IPO8: variants seen among roughly 807,000 people sequenced by gnomAD.
The protein encoded by IPO8 is importin 8, also known as importin-8.
In IPO8, 65 loss-of-function variants were observed where a neutral mutation model predicts 141.2. The ratio of observed to expected loss-of-function variants is 0.46; its 90% CI spans 0.38 to 0.57. The LOEUF is 0.57. Ranked by LOEUF, IPO8 falls within the 20% of genes least tolerant of loss-of-function variation. The probability of loss-of-function intolerance (pLI) is 0.00; values close to 1 mark genes in which losing one functional copy is unlikely to be tolerated. For synonymous variants in IPO8, 411 were observed against 420.3 expected, an observed-to-expected ratio of 0.98 and a Z score of 0.27; for missense variants, 980 against 1,246.8, an observed-to-expected ratio of 0.79 and a Z score of 3.22.
chr12:30,674,176 G>A (rs766001862), intron 7 of IPO8, 102 bp from the exon 8 acceptor site: 2 of 699,144 alleles, frequency 2.9e-6, no homozygotes, highest in African/African-American at 1.8e-5. Context: ...GGATTCTACT[G>A]GGACAGAAAA....
At chr12:30,645,077 T>C (rs930347018) in intron 20 of IPO8, among the ~76,000 whole-genome samples, 1 of 151,812 alleles carries the variant, frequency 6.6e-6, no homozygotes, top group Non-Finnish European at 1.5e-5. Context: ...ATACAGGCAT[T>C]GTAAAAGAGA....
chr12:30,672,710 GACAGA>G (rs2053068649), intron 8 of IPO8, among the ~76,000 whole-genome samples: 1 of 152,138 alleles, frequency 6.6e-6, no homozygotes, highest in African/African-American at 2.4e-5. Context: ...AGGGGCAGAA[GACAGA>G]TGACCAGCTT....
chr12:30,630,850 G>T lies in IPO8; in HGVS notation c.*10C>A. 6.2e-7 allele frequency: 1 copy of T among 1,600,566 alleles called. No homozygotes were observed. Among genetic ancestry groups the T allele is most frequent in the Non-Finnish European group, 8.6e-7 (1 of 1,168,516 alleles). ...CAGCGATGACATTTGGTCAGCTGAT[G>T]TTCTTTCCTTCAGTTGTTGCTGGGC... is the stretch of plus-strand genomic sequence containing the variant. On this transcript the variant is annotated 3_prime_UTR_variant, in exon 25 of 25. Coordinates refer to ENST00000256079, the MANE Select transcript of IPO8 (RefSeq NM_006390.4).
In IPO8 at chr12:30,669,409, T is replaced by G. The variant is rs7970460; in HGVS notation, c.1045-127A>C. The stretch of plus-strand genomic sequence containing the variant: ...TTCCAAACTCTGTGTGTGTGTAAAA[T>G]GTCAAGTCGAGGTTATATTTACTAT... On this transcript the variant is annotated intron_variant, in intron 9 of 24. Coordinates refer to ENST00000256079, the MANE Select transcript of IPO8 (RefSeq NM_006390.4). The G allele has an allele frequency of 1.0e-3, 509 of 493,570 alleles. 1 individual carries two copies. The highest frequency in any genetic ancestry group is 9.2e-3 in the African/African-American group (470 of 51,132). 30.6% of individuals were successfully genotyped at this position (493,570 alleles called of 1,614,324 possible). A position where few individuals can be genotyped will look rare whatever the true frequency, so the allele number is the denominator to read the frequency against.
intron 10 of IPO8, among the ~76,000 whole-genome samples, chr12:30,667,450 T>C (rs1164418069): frequency 1.3e-5 from 2 of 152,030 alleles, no homozygotes; most frequent in Non-Finnish European, 2.9e-5. Flanking sequence ...GGTTAAAGAG[T>C]AGATAAAAAG....
chr12:30,682,545 T>C (rs956219828), intron 3 of IPO8, among the ~76,000 whole-genome samples: 1 of 152,146 alleles, frequency 6.6e-6, no homozygotes, highest in Non-Finnish European at 1.5e-5. Context: ...TCTGATAACA[T>C]AGATAAGTAA....
chr12:30,670,474 G>A (rs1591837998), intron 9 of IPO8, among the ~76,000 whole-genome samples: 1 of 152,032 alleles, frequency 6.6e-6, no homozygotes, highest in Non-Finnish European at 1.5e-5. Context: ...TTAGGCAAAC[G>A]ATATAGAAAC....
In IPO8 at chr12:30,666,464, T is replaced by C. The variant is rs555820191; in HGVS notation, c.1145-213A>G. On this transcript the variant is annotated intron_variant, in intron 10 of 24. Coordinates refer to ENST00000256079, the MANE Select transcript of IPO8 (RefSeq NM_006390.4). ...GTTCCTCAAACTCTACAGGTTGTCC[T>C]TTCAAACTATTATATTGAAGAAAAC... Among the ~76,000 whole-genome samples, 818 of 152,298 alleles carry C rather than the reference T, an allele frequency of 5.4e-3. 5 individuals carry two copies. The highest frequency in any genetic ancestry group is 0.018 in the African/African-American group (760 of 41,566).
intron 20 of IPO8, among the ~76,000 whole-genome samples, chr12:30,647,598 G>A (rs1454551976): frequency 2.5e-4 from 15 of 60,406 alleles, no homozygotes; most frequent in Non-Finnish European, 3.8e-4. Context: ...GAATGAGACC[G>A]TCTCCAAAAA....
In IPO8 at chr12:30,630,370, TCA is replaced by T. The variant is rs1414414546; in HGVS notation, c.*488_*489del. 2.0e-5 allele frequency: 3 copies of T among 152,464 alleles called. No individual in the cohort carries two copies. The East Asian group carries it at 5.8e-4, about 29-fold the overall frequency. 9.4% of individuals were successfully genotyped at this position (152,464 alleles called of 1,614,324 possible). ...TTGCAGTAACTGCCTAACAATAAAT[TCA>T]CAGAGTAAAATGCAGAATAGTTGAC... On this transcript the variant is annotated 3_prime_UTR_variant, in exon 25 of 25. Coordinates refer to ENST00000256079, the MANE Select transcript of IPO8 (RefSeq NM_006390.4).
intron 16 of IPO8, among the ~76,000 whole-genome samples, chr12:30,658,876 C>CT (rs11337753): frequency 0.23 from 21,144 of 90,624 alleles, 3,424 homozygotes; most frequent in Non-Finnish European, 0.28. Context: ...AGTATCAAGC[C>CT]TTTTTTTTTT....
intron 20 of IPO8, among the ~76,000 whole-genome samples, chr12:30,647,988 C>T (rs2052672470): frequency 6.6e-6 from 1 of 152,072 alleles, no homozygotes. Context: ...AAATTGGAAC[C>T]CTCTATCATT....
intron 3 of IPO8, 140 bp downstream of exon 3, chr12:30,684,161 T>C (rs926285818): frequency 3.0e-6 from 2 of 668,566 alleles, no homozygotes; most frequent in Non-Finnish European, 4.9e-6. Context: ...AGTAAAATAA[T>C]ATTCTTTGAG....
chr12:30,693,535 G>A (rs1306599297), intron 1 of IPO8, among the ~76,000 whole-genome samples: 3 of 152,152 alleles, frequency 2.0e-5, no homozygotes, highest in African/African-American at 7.2e-5. Flanking sequence ...GACTAAAGTC[G>A]AAGAGGTGGA....
intron 20 of IPO8, among the ~76,000 whole-genome samples, chr12:30,640,903 A>G (rs574291492): frequency 2.0e-4 from 30 of 152,352 alleles, no homozygotes; most frequent in African/African-American, 7.2e-4. Flanking sequence ...GACAATGGAT[A>G]TGCTAATTAC....
rs775053946 is a variant in IPO8 at position 30,634,228 on chromosome 12, A to G, written c.2754T>C (p.Asn918=). 6.2e-7 allele frequency: 1 copy of G among 1,613,922 alleles called. No individual in the cohort carries two copies. Among genetic ancestry groups the G allele is most frequent in the South Asian group, 1.1e-5 (1 of 91,076 alleles). ...CCTCCTCATCTTCACCTCTTCCATTATTTGACTGCATTGCTTGAGCAGTTA... is the reference window on the plus strand; with the variant it reads ...CCTCCTCATCTTCACCTCTTCCATTGTTTGACTGCATTGCTTGAGCAGTTA... ...TNVTAQAMQS[N]NGRGEDEEEE... Residue 918 remains asparagine, a synonymous_variant, in exon 23 of 25, where the codon AAT becomes AAC. Transcript: ENST00000256079.
chr12:30,691,321 C>A (rs1464928939), intron 1 of IPO8, among the ~76,000 whole-genome samples: 1 of 152,162 alleles, frequency 6.6e-6, no homozygotes, highest in African/African-American at 2.4e-5. Flanking sequence ...AGCACACTGT[C>A]ATCACCAGCT....
chr12:30,681,789 T>C lies in IPO8; in HGVS notation c.352A>G (p.Ile118Val), dbSNP rs1039100550. 34 of 1,613,584 alleles carry C rather than the reference T, an allele frequency of 2.1e-5. No homozygotes were observed. Among genetic ancestry groups the C allele is most frequent in the Non-Finnish European group, 2.9e-5 (34 of 1,179,686 alleles). Residue 118 changes from isoleucine to valine, a missense_variant, in exon 4 of 25, where the codon ATC (isoleucine) becomes GTC (valine). By Grantham distance (29) the Ile-to-Val change is conservative. Transcript: ENST00000256079. ...TGACCAGGAAAATCATGTTTTATGA[T>C]GGCACGGAGACACATTGTTAATTGG... ...RVQLTMCLRA[I>V]IKHDFPGHWP...
intron 5 of IPO8, 138 bp from the exon 6 acceptor site, chr12:30,676,725 T>C: frequency 1.3e-6 from 1 of 778,858 alleles, no homozygotes; most frequent in African/African-American, 1.7e-5. Context: ...TGGTTCAACC[T>C]AACTTAAAAC....
Sources: gnomAD v4.1 joint callset for allele counts (sites outside exome capture counted in the v4.1 genomes callset) on GRCh38, gnomAD v4.1.1 for gene constraint, MANE v1.5 for transcripts, NCBI Gene and HGNC (gene_info 2026-07-23, HGNC 2026-07-21) for gene names.